Variants in ARHGEF28 observed in about 807,000 individuals in gnomAD.
ARHGEF28 encodes Rho guanine nucleotide exchange factor 28, also known as 190 kDa guanine nucleotide exchange factor.
Under a neutral mutation model 206.6 loss-of-function variants are expected in ARHGEF28, and 152 were observed. The observed-to-expected ratio is 0.74, with a 90% CI of 0.64 to 0.84. The LOEUF is 0.84. ARHGEF28 is among the 40% of genes least tolerant of loss of function. ARHGEF28 has a pLI of 0.00. For synonymous variants in ARHGEF28, 763 were observed against 776.4 expected, an observed-to-expected ratio of 0.98 and a Z score of 0.29; for missense variants, 2,028 against 2,073.2, an observed-to-expected ratio of 0.98 and a Z score of 0.42.
chr5:73,650,837 A>C (rs1295258634), intron 1 of ARHGEF28, among the ~76,000 whole-genome samples: 1 of 151,938 alleles, frequency 6.6e-6, no homozygotes, highest in Non-Finnish European at 1.5e-5. Context: ...TTTGGTAGAG[A>C]CAGGGTTTTG....
chr5:73,653,554 C>T (rs575516952), intron 1 of ARHGEF28, among the ~76,000 whole-genome samples: 3 of 152,314 alleles, frequency 2.0e-5, no homozygotes, highest in South Asian at 2.1e-4. Flanking sequence ...TTATGTCTCT[C>T]GTCTCAGCTT....
intron 22 of ARHGEF28, among the ~76,000 whole-genome samples, chr5:73,881,906 T>G (rs1760976022): frequency 6.6e-6 from 1 of 152,226 alleles, no homozygotes; most frequent in Admixed American, 6.5e-5. Context: ...TTCACTGGTG[T>G]CTTTCATCTT....
At chr5:73,711,355 A>G (rs1749234382) in intron 2 of ARHGEF28, among the ~76,000 whole-genome samples, 1 of 152,166 alleles carries the variant, frequency 6.6e-6, no homozygotes, top group African/African-American at 2.4e-5. Flanking sequence ...AACTATATAT[A>G]TGAATAAAGC....
At chr5:73,744,305 A>G (rs922072410) in intron 2 of ARHGEF28, among the ~76,000 whole-genome samples, 2 of 152,110 alleles carry the variant, frequency 1.3e-5, no homozygotes, top group African/African-American at 4.8e-5. Context: ...CACATATGCT[A>G]TTGTACTTGA....
chr5:73,674,917 A>G (rs1489363166), intron 1 of ARHGEF28, among the ~76,000 whole-genome samples: 1 of 152,186 alleles, frequency 6.6e-6, no homozygotes, highest in Admixed American at 6.5e-5. Flanking sequence ...CCTTTTCCAC[A>G]TGCTTCACCC....
chr5:73,650,903 C>A (rs1334026506), intron 1 of ARHGEF28, among the ~76,000 whole-genome samples: 1 of 152,164 alleles, frequency 6.6e-6, no homozygotes, highest in Non-Finnish European at 1.5e-5. Context: ...CCCACCTCAG[C>A]CTCCCAAAGT....
intron 25 of ARHGEF28, among the ~76,000 whole-genome samples, chr5:73,887,299 C>T (rs961299207): frequency 4.4e-4 from 67 of 152,188 alleles, no homozygotes; most frequent in African/African-American, 1.3e-3. Context: ...CTTTTCCTGC[C>T]GAAGGTAAGA....
At chr5:73,873,673 A>T (rs950780105) in intron 22 of ARHGEF28, among the ~76,000 whole-genome samples, 2 of 152,182 alleles carry the variant, frequency 1.3e-5, no homozygotes, top group Non-Finnish European at 2.9e-5. Context: ...CCTATCATTT[A>T]CAGCGATGGA....
intron 2 of ARHGEF28, among the ~76,000 whole-genome samples, chr5:73,717,241 G>A (rs1018294838): frequency 4.6e-5 from 7 of 151,990 alleles, no homozygotes; most frequent in African/African-American, 1.7e-4. Context: ...TAGTATGCTG[G>A]CTTTGTTCCC....
chr5:73,699,571 TAC>T (rs1319348623), intron 2 of ARHGEF28, among the ~76,000 whole-genome samples: 8 of 152,148 alleles, frequency 5.3e-5, no homozygotes, highest in African/African-American at 1.9e-4. Flanking sequence ...GAGTAACATA[TAC>T]GGGAGGGCTC....
intron 35 of ARHGEF28, among the ~76,000 whole-genome samples, chr5:73,916,562 T>G (rs1763223874): frequency 1.3e-5 from 2 of 152,222 alleles, no homozygotes; most frequent in Non-Finnish European, 2.9e-5. Context: ...GTCTTCCCCC[T>G]GTGCCTGTCT....
At chr5:73,630,552 G>T (rs996202155) in intron 1 of ARHGEF28, among the ~76,000 whole-genome samples, 1 of 152,166 alleles carries the variant, frequency 6.6e-6, no homozygotes, top group African/African-American at 2.4e-5. Context: ...CATTTAAAAA[G>T]GATAAAAGGG....
At chr5:73,707,893 T>C (rs992026255) in intron 2 of ARHGEF28, among the ~76,000 whole-genome samples, 1 of 152,220 alleles carries the variant, frequency 6.6e-6, no homozygotes, top group African/African-American at 2.4e-5. Flanking sequence ...AATCCTATCC[T>C]GGCTGGTATT....
At chr5:73,641,289 GACA>G (rs1457794226) in intron 1 of ARHGEF28, among the ~76,000 whole-genome samples, 1 of 152,108 alleles carries the variant, frequency 6.6e-6, no homozygotes, top group Non-Finnish European at 1.5e-5. Context: ...CATGAGGAAA[GACA>G]GTTTCAGGGT....
intron 10 of ARHGEF28, among the ~76,000 whole-genome samples, chr5:73,833,803 G>T (rs1757442124): frequency 6.6e-6 from 1 of 152,170 alleles, no homozygotes; most frequent in African/African-American, 2.4e-5. Flanking sequence ...GAGAGAAAAT[G>T]AGTGCTGAGT....
chr5:73,868,359 G>A, intron 20 of ARHGEF28, 132 bp downstream of exon 20: 1 of 1,172,632 alleles, frequency 8.5e-7, no homozygotes, highest in East Asian at 2.7e-5. Flanking sequence ...GTGTCTCTTT[G>A]GTATAGGTTC....
chr5:73,782,564 C>T (rs1753911452), intron 7 of ARHGEF28, among the ~76,000 whole-genome samples: 1 of 152,200 alleles, frequency 6.6e-6, no homozygotes, highest in Non-Finnish European at 1.5e-5. Context: ...TAAGCCCGAG[C>T]AGCTGAGCCT....
At chr5:73,649,516 G>T (rs913012619) in intron 1 of ARHGEF28, among the ~76,000 whole-genome samples, 2 of 152,224 alleles carry the variant, frequency 1.3e-5, no homozygotes. Flanking sequence ...TGACTGTCTT[G>T]TTCTATCAAT....
chr5:73,666,500 G>T (rs1020669260), intron 1 of ARHGEF28, among the ~76,000 whole-genome samples: 1 of 152,192 alleles, frequency 6.6e-6, no homozygotes, highest in Non-Finnish European at 1.5e-5. Flanking sequence ...TGGTCCCCAG[G>T]CTGTCCCACG....
Sources: allele counts gnomAD v4.1 joint callset (sites outside exome capture counted in the v4.1 genomes callset), GRCh38; gene constraint gnomAD v4.1.1; transcripts MANE v1.5; gene names NCBI Gene and HGNC (gene_info 2026-07-23, HGNC 2026-07-21).